Variants in MTCL1 observed in about 807,000 individuals in gnomAD.
MTCL1 encodes the protein microtubule crosslinking factor 1.
MTCL1 carries 79 observed loss-of-function variants against 141.4 expected under a neutral mutation model. The observed-to-expected ratio is 0.56, with a 90% CI of 0.47 to 0.67. MTCL1 has a LOEUF of 0.67. Among genes scored for constraint, MTCL1 ranks in the 30% least tolerant of loss-of-function variants. The probability of loss-of-function intolerance (pLI) is 0.00; values close to 1 mark genes in which losing one functional copy is unlikely to be tolerated. For synonymous variants in MTCL1, 914 were observed against 875.8 expected (o/e 1.04, Z -0.77); for missense variants, 2,177 against 2,113.9 (o/e 1.03, Z -0.59).
chr18:8,777,272 G>A (rs2096514912), intron 4 of MTCL1, among the ~76,000 whole-genome samples: 1 of 152,076 alleles, frequency 6.6e-6, no homozygotes, highest in African/African-American at 2.4e-5. Context: ...ATTCTTTTTT[G>A]TGGAGACAAG....
intron 14 of MTCL1, among the ~76,000 whole-genome samples, chr18:8,823,470 C>G (rs2076913605): frequency 6.6e-6 from 1 of 152,206 alleles, no homozygotes; most frequent in Non-Finnish European, 1.5e-5. Flanking sequence ...TTCTGAAACT[C>G]ATCATTAATT....
intron 4 of MTCL1, among the ~76,000 whole-genome samples, chr18:8,773,848 T>G (rs2096494442): frequency 6.6e-6 from 1 of 152,240 alleles, no homozygotes; most frequent in African/African-American, 2.4e-5. Flanking sequence ...TCTTTATTTC[T>G]GAGCCTTCTA....
intron 5 of MTCL1, chr18:8,782,680 A>T (rs1260393016): frequency 6.6e-6 from 1 of 152,162 alleles, no homozygotes; most frequent in Non-Finnish European, 1.5e-5. Flanking sequence ...TCTGGGTTTA[A>T]TTTCCTGCTG....
chr18:8,786,374 G>T, intron 7 of MTCL1: 1 of 650,922 alleles, frequency 1.5e-6, no homozygotes, highest in Non-Finnish European at 2.8e-6. Flanking sequence ...CTGGAAGTAG[G>T]CTGATTGGTG....
intron 12 of MTCL1, among the ~76,000 whole-genome samples, chr18:8,818,341 G>A (rs1226866790): frequency 6.6e-6 from 1 of 151,350 alleles, no homozygotes; most frequent in Non-Finnish European, 1.5e-5. Flanking sequence ...CTAACGTAAT[G>A]TGGCTTTTTT....
intron 11 of MTCL1, among the ~76,000 whole-genome samples, chr18:8,808,295 A>G (rs1375885971): frequency 6.8e-6 from 1 of 147,716 alleles, no homozygotes; most frequent in African/African-American, 2.5e-5. Context: ...CTTTAACCCT[A>G]TTAAAAAAAA....
chr18:8,725,918 C>T (rs928206127), intron 4 of MTCL1, among the ~76,000 whole-genome samples: 1 of 151,208 alleles, frequency 6.6e-6, no homozygotes. Flanking sequence ...GCCTCCGGAG[C>T]AGCTGGGACT....
intron 3 of MTCL1, 86 bp downstream of exon 2, chr18:8,718,734 C>T: frequency 8.3e-7 from 1 of 1,202,472 alleles, no homozygotes; most frequent in Admixed American, 1.7e-5. Flanking sequence ...TTTTTCCCTG[C>T]TTGTGTCTGT....
intron 16 of MTCL1, chr18:8,829,883 A>G (rs1472552936): frequency 4.5e-5 from 44 of 985,158 alleles, no homozygotes; most frequent in Non-Finnish European, 5.3e-5. Context: ...ATTCCCTTGA[A>G]TGCAGACTCA....
intron 4 of MTCL1, among the ~76,000 whole-genome samples, chr18:8,773,279 C>G (rs981506878): frequency 6.6e-6 from 1 of 152,070 alleles, no homozygotes; most frequent in Non-Finnish European, 1.5e-5. Context: ...TTTCTCATGC[C>G]CCTTCATGTG....
intron 4 of MTCL1, among the ~76,000 whole-genome samples, chr18:8,752,102 T>C (rs1046364039): frequency 7.9e-5 from 12 of 152,170 alleles, no homozygotes; most frequent in Non-Finnish European, 1.6e-4. Context: ...CCCCAGAGCT[T>C]TGACTCTAGG....
At chr18:8,831,396 T>A in intron 16 of MTCL1, 1 of 1,400,038 alleles carries the variant, frequency 7.1e-7, no homozygotes, top group Non-Finnish European at 9.3e-7. Context: ...TCATAATTGG[T>A]CTCTTCCCAT....
At chr18:8,831,876 T>G in exon 17 of MTCL1, 2 of 1,501,302 alleles carry the variant, frequency 1.3e-6, no homozygotes, top group Non-Finnish European at 1.8e-6. Flanking sequence ...AACAAAACTC[T>G]GCCCAACAGG....
chr18:8,744,334 G>A (rs1452351082), intron 4 of MTCL1, among the ~76,000 whole-genome samples: 2 of 152,200 alleles, frequency 1.3e-5, no homozygotes, highest in Non-Finnish European at 2.9e-5. Flanking sequence ...ACATTTTCCA[G>A]AACTTCCTCT....
chr18:8,768,471 T>C (rs959688436), intron 4 of MTCL1, among the ~76,000 whole-genome samples: 2 of 152,162 alleles, frequency 1.3e-5, no homozygotes, highest in African/African-American at 4.8e-5. Context: ...AATCAGAGGG[T>C]CTGTAGGGTA....
At chr18:8,809,520 A>G in intron 11 of MTCL1, 1 of 1,536,260 alleles carries the variant, frequency 6.5e-7, no homozygotes, top group East Asian at 2.4e-5. Context: ...AGCTGGGTCC[A>G]CGGTAAAAAC....
chr18:8,726,293 T>C (rs1447626664), intron 4 of MTCL1, among the ~76,000 whole-genome samples: 4 of 145,334 alleles, frequency 2.8e-5, no homozygotes, highest in African/African-American at 7.6e-5. Flanking sequence ...TTTCTTTTTT[T>C]TTTTTTTTTT....
At chr18:8,739,054 C>T (rs1445018080) in intron 4 of MTCL1, among the ~76,000 whole-genome samples, 2 of 152,124 alleles carry the variant, frequency 1.3e-5, no homozygotes, top group Non-Finnish European at 2.9e-5. Flanking sequence ...GCTTGGGCAA[C>T]ATAGCAAGAC....
At chr18:8,824,936 G>T (rs1354426957) in exon 15 of MTCL1, 17 of 1,613,606 alleles carry the variant, frequency 1.1e-5, no homozygotes, top group Non-Finnish European at 1.4e-5. Flanking sequence ...GGCGGGCAGG[G>T]CACGAGGACA....
Sources: gnomAD v4.1 joint callset for allele counts (sites outside exome capture counted in the v4.1 genomes callset) on GRCh38, gnomAD v4.1.1 for gene constraint, MANE v1.5 for transcripts, NCBI Gene and HGNC (gene_info 2026-07-23, HGNC 2026-07-21) for gene names.